FHIT: variants seen among roughly 807,000 people sequenced by gnomAD.
FHIT encodes fragile histidine triad diadenosine triphosphatase.
A neutral mutation model predicts 17.9 loss-of-function variants in FHIT; 19 were observed. The observed-to-expected ratio is 1.06, with a 90% CI of 0.74 to 1.56. FHIT has a LOEUF of 1.56. Among genes scored for constraint, FHIT ranks in the 40% most tolerant of loss-of-function variants. FHIT has a pLI of 0.00. For synonymous variants in FHIT, 81 were observed against 69.7 expected (o/e 1.16, Z -0.81); for missense variants, 248 against 189.2 (o/e 1.31, Z -1.82).
intron 4 of FHIT, among the ~76,000 whole-genome samples, chr3:60,624,831 T>C (rs1553680273): frequency 6.6e-6 from 1 of 152,170 alleles, no homozygotes; most frequent in Non-Finnish European, 1.5e-5. Context: ...AAGATGATAT[T>C]GAATTGACAG....
At chr3:60,870,894 TG>T (rs1432806196) in intron 3 of FHIT, among the ~76,000 whole-genome samples, 1 of 152,138 alleles carries the variant, frequency 6.6e-6, no homozygotes, top group Non-Finnish European at 1.5e-5. Context: ...GAGAACTGCT[TG>T]GGAAATAGTC....
At chr3:59,821,271 G>T (rs1331604462) in intron 8 of FHIT, among the ~76,000 whole-genome samples, 1 of 152,200 alleles carries the variant, frequency 6.6e-6, no homozygotes, top group African/African-American at 2.4e-5. Context: ...AAGAGTAGAA[G>T]AAAACAAACA....
At chr3:60,575,362 C>A (rs1559552347) in intron 4 of FHIT, among the ~76,000 whole-genome samples, 1 of 152,080 alleles carries the variant, frequency 6.6e-6, no homozygotes, top group South Asian at 2.1e-4. Flanking sequence ...CTTTTAGTAT[C>A]AAACAAACAA....
chr3:60,449,932 G>A (rs1559923681), intron 5 of FHIT, among the ~76,000 whole-genome samples: 1 of 150,278 alleles, frequency 6.7e-6, no homozygotes, highest in Non-Finnish European at 1.5e-5. Flanking sequence ...GAAACTGGGA[G>A]GCAGAGGTTG....
intron 8 of FHIT, among the ~76,000 whole-genome samples, chr3:59,766,135 G>A (rs777789355): frequency 6.6e-6 from 1 of 152,150 alleles, no homozygotes; most frequent in Admixed American, 6.6e-5. Context: ...TTAGATGTGG[G>A]ATAGTAGCAA....
chr3:60,444,080 A>T (rs1393233825), intron 5 of FHIT, among the ~76,000 whole-genome samples: 2 of 152,200 alleles, frequency 1.3e-5, no homozygotes, highest in Non-Finnish European at 1.5e-5. Context: ...CAGCCAAAAG[A>T]CACATGAAAA....
intron 4 of FHIT, among the ~76,000 whole-genome samples, chr3:60,719,693 C>T (rs957649254): frequency 2.6e-5 from 4 of 152,198 alleles, no homozygotes; most frequent in African/African-American, 9.6e-5. Context: ...GAGCCTCACA[C>T]TGTAGTTTGA....
intron 8 of FHIT, among the ~76,000 whole-genome samples, chr3:59,768,135 T>A (rs2106817552): frequency 1.3e-5 from 2 of 152,314 alleles, no homozygotes; most frequent in Middle Eastern, 3.4e-3. Flanking sequence ...GTGGCCTGCA[T>A]CTAGTCTCTG....
chr3:60,063,323 A>T (rs1295247803), intron 5 of FHIT, among the ~76,000 whole-genome samples: 1 of 152,218 alleles, frequency 6.6e-6, no homozygotes, highest in East Asian at 1.9e-4. Flanking sequence ...AATATAAGCA[A>T]AATAAAAATC....
intron 1 of FHIT, among the ~76,000 whole-genome samples, chr3:61,222,473 G>A (rs1222072495): frequency 6.6e-6 from 1 of 152,154 alleles, no homozygotes; most frequent in African/African-American, 2.4e-5. Flanking sequence ...TCTGAGGTCT[G>A]GGCACCAGCG....
chr3:60,276,280 C>G (rs1158858097), intron 5 of FHIT, among the ~76,000 whole-genome samples: 1 of 152,156 alleles, frequency 6.6e-6, no homozygotes, highest in East Asian at 1.9e-4. Flanking sequence ...GCCACTGCAC[C>G]CGGCCTGTTT....
At position 60,325,286 on chromosome 3, in the gene FHIT, CATT is replaced by C. The variant is rs1291920788; in HGVS notation, c.103+211571_103+211573del. 3.9e-5 allele frequency among the ~76,000 whole-genome samples: 6 copies of C among 152,206 alleles called. No individual in the cohort carries two copies. The East Asian group carries it at 9.7e-4, about 24-fold the overall frequency. ...GCCAAAAGATTCCAAATTAAATTAC[CATT>C]ATTAAGCCCCTTAAGCCTCATATTG... On this transcript the variant is annotated intron_variant, in intron 5 of 9. Transcript: ENST00000492590.
intron 7 of FHIT, among the ~76,000 whole-genome samples, chr3:59,970,217 C>T (rs1032038218): frequency 4.6e-5 from 7 of 152,076 alleles, no homozygotes; most frequent in African/African-American, 9.7e-5. Flanking sequence ...CTGTAAAAAA[C>T]GGCTTTAAAA....
chr3:60,789,080 TAGAG>T (rs1201641945), intron 4 of FHIT, among the ~76,000 whole-genome samples: 6 of 150,100 alleles, frequency 4.0e-5, no homozygotes, highest in Admixed American at 1.3e-4. Context: ...TATACATATA[TAGAG>T]AGAGAGATGA....
intron 5 of FHIT, among the ~76,000 whole-genome samples, chr3:60,107,736 G>T (rs1704488488): frequency 6.6e-6 from 1 of 152,144 alleles, no homozygotes; most frequent in African/African-American, 2.4e-5. Flanking sequence ...GCAAGGTTTA[G>T]GTCACTTATG....
chr3:60,372,943 G>A (rs1700393875), intron 5 of FHIT, among the ~76,000 whole-genome samples: 1 of 152,250 alleles, frequency 6.6e-6, no homozygotes. Flanking sequence ...TCCACTGGTG[G>A]TGTGTTCATA....
At chr3:60,214,453 C>T (rs1703604648) in intron 5 of FHIT, among the ~76,000 whole-genome samples, 1 of 152,108 alleles carries the variant, frequency 6.6e-6, no homozygotes, top group African/African-American at 2.4e-5. Context: ...TTAGGCCGTG[C>T]TTATCAGAAT....
intron 5 of FHIT, among the ~76,000 whole-genome samples, chr3:60,472,640 A>G (rs2033147351): frequency 6.6e-6 from 1 of 152,188 alleles, no homozygotes; most frequent in South Asian, 2.1e-4. Flanking sequence ...AAGGGCTGGG[A>G]TTACAGGCAT....
intron 5 of FHIT, among the ~76,000 whole-genome samples, chr3:60,081,099 C>G (rs1703264215): frequency 6.6e-6 from 1 of 152,040 alleles, no homozygotes; most frequent in African/African-American, 2.4e-5. Context: ...ATGAGGTAGA[C>G]AAATCTTAGA....
Sources: allele counts gnomAD v4.1 joint callset (sites outside exome capture counted in the v4.1 genomes callset), GRCh38; gene constraint gnomAD v4.1.1; transcripts MANE v1.5; gene names NCBI Gene and HGNC (gene_info 2026-07-23, HGNC 2026-07-21).